CXorf66: variants seen among roughly 807,000 people sequenced by gnomAD.
CXorf66 encodes the protein uncharacterized protein CXorf66.
In CXorf66, 6 loss-of-function variants were observed where a neutral mutation model predicts 5.0. The observed-to-expected ratio is 1.20, with a 90% confidence interval of 0.65 to 2.36. The LOEUF (loss-of-function observed/expected upper bound fraction) is 2.36. Among genes scored for constraint, CXorf66 ranks in the 30% most tolerant of loss-of-function variants. CXorf66 has a pLI of 0.00. For synonymous variants in CXorf66, 98 were observed against 102.8 expected, an observed-to-expected ratio of 0.95 and a Z score of 0.28; for missense variants, 270 against 254.9, an observed-to-expected ratio of 1.06 and a Z score of -0.40.
chrX:139,961,380 A>G (rs984502788), intron 1 of CXorf66, among the ~76,000 whole-genome samples: 1 of 112,254 alleles, frequency 8.9e-6, no homozygotes, highest in Non-Finnish European at 1.9e-5. Flanking sequence ...AGAAGAGCCA[A>G]CTATCCTAAA....
intron 1 of CXorf66, among the ~76,000 whole-genome samples, chrX:139,961,038 C>A (rs915567445): frequency 9.0e-6 from 1 of 111,574 alleles, no homozygotes; most frequent in Non-Finnish European, 1.9e-5. Flanking sequence ...TGCAAAATAA[C>A]CAACTAGCAT....
At position 139,955,893 on chromosome X, in the gene CXorf66, CT is replaced by C. The variant is rs773455019; in HGVS notation, c.*2del. ...ACACTTGGATTTTATTTTTGTTGAG[CT>C]CCTAATCATTTAGGGTTACTTCAGA... is the stretch of plus-strand genomic sequence containing the variant. On this transcript the variant is annotated 3_prime_UTR_variant, in exon 3 of 3. Coordinates refer to ENST00000370540, the MANE Select transcript of CXorf66 (RefSeq NM_001013403.3). 8.5e-7 allele frequency: 1 copy of C among 1,170,140 alleles called. No homozygotes were observed. Among genetic ancestry groups the C allele is most frequent in the Non-Finnish European group, 1.1e-6 (1 of 876,560 alleles).
chrX:139,957,628 A>G (rs1238176195), intron 2 of CXorf66, among the ~76,000 whole-genome samples: 1 of 111,993 alleles, frequency 8.9e-6, no homozygotes, highest in East Asian at 2.8e-4. Flanking sequence ...GAACTAGTAT[A>G]TAAAAGGCAG....
chrX:139,964,020 A>G (rs950899969), intron 1 of CXorf66, among the ~76,000 whole-genome samples: 2 of 112,202 alleles, frequency 1.8e-5, no homozygotes, highest in Non-Finnish European at 3.8e-5. Context: ...CTTCATGACT[A>G]AAACACCAAA....
chrX:139,958,241 A>T, intron 1 of CXorf66, 24 bp from the exon 2 acceptor site: 1 of 1,125,038 alleles, frequency 8.9e-7, no homozygotes, highest in East Asian at 3.2e-5. Flanking sequence ...GTATAATCAG[A>T]GAAGGTGTTA....
Position 139,955,948 on chromosome X carries a change from G to A in CXorf66, c.1034C>T (p.Thr345Met), listed in dbSNP as rs149420594. 1.5e-4 allele frequency: 186 copies of A among 1,203,147 alleles called. 1 individual carries two copies. The African/African-American group carries it at 2.6e-3, about 17-fold the overall frequency. ...EVDSDKVIII[T>M]CDRGYNQVTS... Reference sequence around the variant, plus strand: ...GACTTGATTGTACCCTCTGTCACACGTAATGATTATAACTTTATCACTGTC... The same window carrying A: ...GACTTGATTGTACCCTCTGTCACACATAATGATTATAACTTTATCACTGTC... The change falls in exon 3 of 3, where the codon ACG becomes ATG. Residue 345 changes from threonine to methionine, a missense_variant. By Grantham distance (81) the Thr-to-Met change is moderately conservative. Transcript: ENST00000370540.
At chrX:139,962,245 C>T (rs2085595944) in intron 1 of CXorf66, among the ~76,000 whole-genome samples, 1 of 111,599 alleles carries the variant, frequency 9.0e-6, no homozygotes, top group African/African-American at 3.3e-5. Flanking sequence ...GGGGGTATCA[C>T]CAATGATCCT....
In CXorf66 at chrX:139,958,104, G is replaced by T; in HGVS notation, c.202C>A (p.His68Asn). 8.3e-7 allele frequency: 1 copy of T among 1,205,314 alleles called. No homozygotes were observed. Among genetic ancestry groups the T allele is most frequent in the East Asian group, 3.0e-5 (1 of 33,673 alleles). Residue 68 changes from histidine (H) to asparagine (N), a missense_variant, in exon 2 of 3, where the codon CAT (histidine) becomes AAT (asparagine). His to Asn is a moderately conservative substitution (Grantham distance 68). Coordinates refer to ENST00000370540, the MANE Select transcript of CXorf66 (RefSeq NM_001013403.3). ...VFVFICFCYL[H>N]YNCLSDDASK... Reference sequence around the variant, plus strand: ...GCATCATCGCTCAGACAATTATAATGGAGATAACAAAAACAGATAAAGACA... The same window carrying T: ...GCATCATCGCTCAGACAATTATAATTGAGATAACAAAAACAGATAAAGACA...
At chrX:139,965,252 T>C (rs967583192) in intron 1 of CXorf66, among the ~76,000 whole-genome samples, 157 bp downstream of exon 1, 1 of 111,731 alleles carries the variant, frequency 9.0e-6, no homozygotes, top group Non-Finnish European at 1.9e-5. Flanking sequence ...AGTTTTTTAA[T>C]ATCAGCTGTT....
rs1473151160 is a variant in CXorf66, at chrX:139,955,769, C to A, written c.*127G>T. 6 of 541,608 alleles carry A rather than the reference C, an allele frequency of 1.1e-5. No homozygotes were observed. Among genetic ancestry groups the A allele is most frequent in the Non-Finnish European group, 1.7e-5 (6 of 356,805 alleles). 44.6% of individuals were successfully genotyped at this position (541,608 alleles called of 1,213,427 possible). On this transcript the variant is annotated 3_prime_UTR_variant, in exon 3 of 3. Transcript: ENST00000370540. ...TATTGATATTTTTAAAATAAATCGC[C>A]TCCAAGACAGATATGGGTGATCTTG...
At position 139,956,345 on chromosome X, in the gene CXorf66, A is replaced by G. The variant is rs769580011; in HGVS notation, c.637T>C (p.Phe213Leu). Residue 213 changes from phenylalanine (F) to leucine (L), a missense_variant, in exon 3 of 3, where the codon TTC (phenylalanine) becomes CTC (leucine). Physicochemically the swap from Phe to Leu is conservative, Grantham distance 22. Coordinates refer to ENST00000370540, the MANE Select transcript of CXorf66 (RefSeq NM_001013403.3). ...SDKPVRPPQL[F>L]KPLYSSHPQN... is the part of the protein sequence containing the mutation. The stretch of plus-strand genomic sequence containing the variant: ...GGATGAGATGAATAAAGTGGCTTGA[A>G]TAGCTGAGGTGGCCTGACTGGCTTA... The G allele has an allele frequency of 4.1e-6, 5 of 1,210,080 alleles. No individual in the cohort carries two copies. In the African/African-American group the frequency reaches 8.7e-5, roughly 21 times the overall value.
intron 1 of CXorf66, among the ~76,000 whole-genome samples, chrX:139,964,898 ACT>A (rs1391073109): frequency 1.1e-4 from 12 of 109,074 alleles, no homozygotes; most frequent in Non-Finnish European, 2.1e-4. Flanking sequence ...AACATCACAC[ACT>A]GGGGCCTGTT....
At chrX:139,960,401 C>T (rs772024075) in intron 1 of CXorf66, among the ~76,000 whole-genome samples, 5 of 109,977 alleles carry the variant, frequency 4.5e-5, no homozygotes, top group African/African-American at 1.6e-4. Context: ...ACAAAATGAA[C>T]AAAGCCTCCA....
rs1448732250 is a variant in CXorf66 at position 139,958,217 on chromosome X, C to T, written c.89G>A (p.Gly30Glu). The change falls in exon 2 of 3, where the codon GGA (glycine) becomes GAA (glutamate). Residue 30 changes from glycine to glutamate, a missense_variant and splice_region_variant. Transcript: ENST00000370540. ...TNQTNGSSTT[G>E]DKPVESMQTK... The stretch of plus-strand genomic sequence containing the variant: ...CTGCATTGATTCAACAGGTTTATCT[C>T]CTGCAAAGAGATTGTATAATCAGAG... 34 of 1,164,001 alleles carry T rather than the reference C, an allele frequency of 2.9e-5. No homozygotes were observed. Among genetic ancestry groups the T allele is most frequent in the Non-Finnish European group, 3.8e-5 (33 of 873,838 alleles).
At chrX:139,959,494 C>T (rs113861232) in intron 1 of CXorf66, among the ~76,000 whole-genome samples, 1 of 112,394 alleles carries the variant, frequency 8.9e-6, no homozygotes, top group South Asian at 3.6e-4. Context: ...ACAGTTTCTG[C>T]GGATTTAAAC....
intron 1 of CXorf66, among the ~76,000 whole-genome samples, chrX:139,965,045 C>A (rs752326034): frequency 7.7e-4 from 85 of 111,024 alleles, no homozygotes; most frequent in Non-Finnish European, 1.3e-4. Context: ...CAAACCTGCA[C>A]GTTCTGCACA....
rs1471649461 is a variant in CXorf66, at chrX:139,956,750, A to G, written c.243-11T>C. 5.0e-6 allele frequency: 6 copies of G among 1,194,069 alleles called. No individual in the cohort carries two copies. In the South Asian group the frequency reaches 9.1e-5, roughly 18 times the overall value. On this transcript the variant is annotated splice_polypyrimidine_tract_variant and intron_variant, in intron 2 of 2. Coordinates refer to ENST00000370540, the MANE Select transcript of CXorf66 (RefSeq NM_001013403.3). ...CCTTTTTTCTTGACCCTGAAAGTAT[A>G]GAAAATTTGGAGTATAATGATTTAA...
chrX:139,963,063 C>T (rs1230516491), intron 1 of CXorf66, among the ~76,000 whole-genome samples: 2 of 111,761 alleles, frequency 1.8e-5, no homozygotes, highest in African/African-American at 6.5e-5. Flanking sequence ...ATTGGAACTT[C>T]TGGCCAGGGC....
At chrX:139,957,330 T>A (rs781045331) in intron 2 of CXorf66, among the ~76,000 whole-genome samples, 2 of 110,231 alleles carry the variant, frequency 1.8e-5, no homozygotes, top group South Asian at 7.6e-4. Flanking sequence ...CAAAGTTATT[T>A]CAAATCTGCT....
Sources: allele counts gnomAD v4.1 joint callset (sites outside exome capture counted in the v4.1 genomes callset), GRCh38; gene constraint gnomAD v4.1.1; transcripts MANE v1.5; gene names NCBI Gene and HGNC (gene_info 2026-07-23, HGNC 2026-07-21).